STPG2: variants seen among roughly 807,000 people sequenced by gnomAD.
The protein encoded by STPG2 is sperm-tail PG-rich repeat-containing protein 2.
A neutral mutation model predicts 54.2 loss-of-function variants in STPG2; 56 were observed. The observed-to-expected ratio is 1.03, with a 90% CI of 0.83 to 1.29. The LOEUF (loss-of-function observed/expected upper bound fraction) is 1.29, where lower values mean the gene tolerates loss of function less well. Ranked by LOEUF, STPG2 falls within the 50% of genes most tolerant of loss-of-function variation. STPG2 has a pLI of 0.00. For missense variants in STPG2, 596 were observed against 544.9 expected, an observed-to-expected ratio of 1.09 and a Z score of -0.93; for synonymous variants, 200 against 181.8, an observed-to-expected ratio of 1.10 and a Z score of -0.81.
intron 5 of STPG2, among the ~76,000 whole-genome samples, chr4:98,016,631 T>C (rs946032399): frequency 2.6e-5 from 4 of 152,196 alleles, no homozygotes; most frequent in Admixed American, 2.6e-4. Context: ...TTCTATCTTC[T>C]TGTTGAACTT....
intron 10 of STPG2, among the ~76,000 whole-genome samples, chr4:97,677,550 A>G (rs1722888933): frequency 6.6e-6 from 1 of 152,200 alleles, no homozygotes; most frequent in South Asian, 2.1e-4. Flanking sequence ...GTGGCTATGG[A>G]TCTCTAAGTA....
intron 10 of STPG2, among the ~76,000 whole-genome samples, chr4:97,561,128 T>G (rs991049554): frequency 5.2e-4 from 79 of 152,212 alleles, no homozygotes; most frequent in African/African-American, 1.9e-3. Flanking sequence ...TCCTGACTTT[T>G]TAATGATTGC....
chr4:97,541,217 A>G (rs546124062), intron 4 of STPG2, among the ~76,000 whole-genome samples: 1 of 152,248 alleles, frequency 6.6e-6, no homozygotes, highest in Non-Finnish European at 1.5e-5. Context: ...ATATCTAGAA[A>G]ACCCCATCAT....
At chr4:98,015,542 A>G (rs1006374757) in intron 5 of STPG2, among the ~76,000 whole-genome samples, 1 of 152,168 alleles carries the variant, frequency 6.6e-6, no homozygotes, top group Non-Finnish European at 1.5e-5. Context: ...GGCAATCATT[A>G]AAGAGTCAGG....
intron 10 of STPG2, among the ~76,000 whole-genome samples, chr4:97,678,203 G>A (rs1241168524): frequency 2.0e-5 from 3 of 151,936 alleles, no homozygotes; most frequent in East Asian, 1.9e-4. Flanking sequence ...CACTTACAGG[G>A]TTTTTTTCAG....
intron 9 of STPG2, among the ~76,000 whole-genome samples, chr4:97,722,571 A>G (rs1384187000): frequency 6.6e-6 from 1 of 152,136 alleles, no homozygotes; most frequent in African/African-American, 2.4e-5. Flanking sequence ...GATATTCTAC[A>G]TATATTCATT....
At chr4:97,842,367 A>G (rs1157560253) in intron 8 of STPG2, among the ~76,000 whole-genome samples, 1 of 151,860 alleles carries the variant, frequency 6.6e-6, no homozygotes, top group African/African-American at 2.4e-5. Flanking sequence ...TCCATGGATT[A>G]TTTGTGTATC....
chr4:97,792,981 C>T (rs1317213751), intron 9 of STPG2, among the ~76,000 whole-genome samples: 1 of 151,958 alleles, frequency 6.6e-6, no homozygotes, highest in Admixed American at 6.6e-5. Flanking sequence ...GTGAGACCCC[C>T]ATCTCTACTA....
At chr4:97,983,112 C>G (rs1734729450) in intron 5 of STPG2, among the ~76,000 whole-genome samples, 1 of 152,112 alleles carries the variant, frequency 6.6e-6, no homozygotes, top group Non-Finnish European at 1.5e-5. Context: ...TCTCTGCCAC[C>G]CTTGAGATAG....
intron 7 of STPG2, among the ~76,000 whole-genome samples, chr4:97,963,219 G>C (rs866934455): frequency 9.2e-5 from 14 of 151,844 alleles, no homozygotes; most frequent in African/African-American, 3.4e-4. Flanking sequence ...TAAATGTCAG[G>C]TTACTAAGAA....
intron 10 of STPG2, among the ~76,000 whole-genome samples, chr4:97,652,519 T>C (rs1357758444): frequency 6.6e-6 from 1 of 151,970 alleles, no homozygotes; most frequent in East Asian, 1.9e-4. Flanking sequence ...TGATGTATGA[T>C]ATTTTATAAA....
chr4:97,764,036 C>T (rs1468404589), intron 9 of STPG2, among the ~76,000 whole-genome samples: 1 of 151,194 alleles, frequency 6.6e-6, no homozygotes, highest in Non-Finnish European at 1.5e-5. Context: ...TATTTGAATT[C>T]CATGCTCAGA....
intron 9 of STPG2, among the ~76,000 whole-genome samples, chr4:97,743,631 G>A (rs1318506543): frequency 6.6e-6 from 1 of 151,578 alleles, no homozygotes; most frequent in African/African-American, 2.4e-5. Flanking sequence ...TAGCATCTTT[G>A]TGCTAGAGGG....
intron 8 of STPG2, among the ~76,000 whole-genome samples, chr4:97,942,837 A>G (rs1733042647): frequency 6.6e-6 from 1 of 152,198 alleles, no homozygotes; most frequent in Admixed American, 6.6e-5. Context: ...AACCTTGTTT[A>G]ATAATCCTGT....
chr4:97,509,801 T>C (rs756536423), intron 4 of STPG2, among the ~76,000 whole-genome samples: 8 of 152,076 alleles, frequency 5.3e-5, no homozygotes, highest in African/African-American at 9.7e-5. Context: ...ACAGATAACA[T>C]CTCATAATAA....
chr4:98,074,497 G>A (rs188341124), intron 5 of STPG2, among the ~76,000 whole-genome samples: 13 of 152,168 alleles, frequency 8.5e-5, no homozygotes, highest in African/African-American at 1.4e-4. Flanking sequence ...TGACCATCCC[G>A]TATCTTCACA....
chr4:97,862,605 A>T (rs184845086), intron 8 of STPG2, among the ~76,000 whole-genome samples: 9 of 152,274 alleles, frequency 5.9e-5, no homozygotes, highest in Admixed American at 5.9e-4. Context: ...CCTAATAGAC[A>T]TCTGCAGAAC....
chr4:97,602,313 C>T (rs1733483385), intron 10 of STPG2, among the ~76,000 whole-genome samples: 1 of 151,822 alleles, frequency 6.6e-6, no homozygotes, highest in African/African-American at 2.4e-5. Flanking sequence ...CATCTGATGA[C>T]CTTGTCAGTC....
At chr4:97,979,727 T>C (rs529071462) in intron 6 of STPG2, among the ~76,000 whole-genome samples, 77 of 150,422 alleles carry the variant, frequency 5.1e-4, no homozygotes, top group South Asian at 8.5e-4. Flanking sequence ...TTCCACAATT[T>C]CTTTTTTTTT....
Sources: gnomAD v4.1 joint callset for allele counts (sites outside exome capture counted in the v4.1 genomes callset) on GRCh38, gnomAD v4.1.1 for gene constraint, MANE v1.5 for transcripts, NCBI Gene and HGNC (gene_info 2026-07-23, HGNC 2026-07-21) for gene names.